The following EIF3H variants were observed in gnomAD, a reference collection of about 807,000 sequenced individuals.
EIF3H encodes the protein eIF-3-gamma.
Under a neutral mutation model 44.2 loss-of-function variants are expected in EIF3H, and 26 were observed. The observed-to-expected ratio is 0.59, with a 90% CI of 0.43 to 0.82. The LOEUF is 0.82. Ranked by LOEUF, EIF3H falls within the 40% of genes least tolerant of loss-of-function variation. EIF3H has a pLI of 0.00. For missense variants in EIF3H, 359 were observed against 432.8 expected, an observed-to-expected ratio of 0.83 and a Z score of 1.51; for synonymous variants, 166 against 151.9, an observed-to-expected ratio of 1.09 and a Z score of -0.68.
At chr8:116,657,185 A>G in intron 4 of EIF3H, 30 bp downstream of exon 4, 1 of 1,556,610 alleles carries the variant, frequency 6.4e-7, no homozygotes, top group African/African-American at 1.4e-5. Flanking sequence ...AAAATACCCA[A>G]CCCTTTACCA....
At chr8:116,675,092 T>C (rs535888557) in intron 2 of EIF3H, among the ~76,000 whole-genome samples, 3 of 141,586 alleles carry the variant, frequency 2.1e-5, no homozygotes, top group South Asian at 4.3e-4. Flanking sequence ...TCAAAAACTT[T>C]ATTGATTTAT....
chr8:116,705,145 G>C (rs1369067134), intron 2 of EIF3H, among the ~76,000 whole-genome samples: 1 of 152,134 alleles, frequency 6.6e-6, no homozygotes, highest in Non-Finnish European at 1.5e-5. Flanking sequence ...GCACCCATAT[G>C]AATTTAGATA....
rs749445960 is a variant in EIF3H at position 116,755,668 on chromosome 8, G to A, written c.130C>T (p.Leu44Phe). The A allele has an allele frequency of 1.9e-5, 31 of 1,613,982 alleles. No homozygotes were observed. Among genetic ancestry groups the A allele is most frequent in the Non-Finnish European group, 2.5e-5 (29 of 1,180,012 alleles). ...SAVKQVQIDG[L>F]VVLKIIKHYQ... ...AGAGGAAAAAGAACAGCACTCACAA[G>A]GCCATCTATCTGCACTTGCTTCACG... Residue 44 changes from leucine to phenylalanine, a missense_variant and splice_region_variant, in exon 1 of 8, where the codon CTT (leucine) becomes TTT (phenylalanine). Coordinates refer to ENST00000521861, the MANE Select transcript of EIF3H (RefSeq NM_003756.3).
intron 2 of EIF3H, among the ~76,000 whole-genome samples, chr8:116,702,419 A>G (rs559670516): frequency 1.3e-5 from 2 of 152,306 alleles, no homozygotes; most frequent in Admixed American, 1.3e-4. Context: ...CATTTCCTAT[A>G]CCAGTCATTT....
intron 2 of EIF3H, among the ~76,000 whole-genome samples, chr8:116,709,374 C>T (rs959086940): frequency 1.3e-5 from 2 of 152,224 alleles, no homozygotes; most frequent in East Asian, 3.9e-4. Context: ...ACCATCGTGG[C>T]TTTGTATTAT....
At position 116,674,324 on chromosome 8, in the gene EIF3H, G is replaced by C. The variant is rs576667173; in HGVS notation, c.290-15344C>G. Among the ~76,000 whole-genome samples the C allele has an allele frequency of 1.3e-4, 19 of 144,570 alleles. No individual in the cohort carries two copies. The Middle Eastern group carries it at 0.014, about 109-fold the overall frequency. The allele number at this position is 144,570 out of a possible 152,430, so 94.8% of individuals were successfully genotyped here. On this transcript the variant is annotated intron_variant, in intron 2 of 7. Transcript: ENST00000521861. Reference sequence around the variant, plus strand: ...AAAAGAGGCCTGGGGGTGGAGGTGGGGGGGGGTGGGGGGGAAGGGATTCTA... The same window carrying C: ...AAAAGAGGCCTGGGGGTGGAGGTGGCGGGGGGTGGGGGGGAAGGGATTCTA...
intron 2 of EIF3H, among the ~76,000 whole-genome samples, chr8:116,673,649 G>A (rs967399802): frequency 6.6e-6 from 1 of 152,256 alleles, no homozygotes; most frequent in East Asian, 1.9e-4. Context: ...TCATAAATAA[G>A]GGGTAAAAAT....
At chr8:116,752,325 A>G (rs1228192993) in intron 1 of EIF3H, among the ~76,000 whole-genome samples, 2 of 152,134 alleles carry the variant, frequency 1.3e-5, no homozygotes, top group African/African-American at 2.4e-5. Flanking sequence ...TACAATTCCA[A>G]TCTACATTAG....
chr8:116,644,999 C>G lies in EIF3H; in HGVS notation c.*7G>C, dbSNP rs1487495292. 6.2e-7 allele frequency: 1 copy of G among 1,611,934 alleles called. No individual in the cohort carries two copies. Among genetic ancestry groups the G allele is most frequent in the East Asian group, 2.2e-5 (1 of 44,852 alleles). On this transcript the variant is annotated 3_prime_UTR_variant, in exon 8 of 8. Coordinates refer to ENST00000521861, the MANE Select transcript of EIF3H (RefSeq NM_003756.3). Reference sequence around the variant, plus strand: ...ATGTTAACTTCTTTTCTGGAAACTTCCTTTTCTTAGTTGTTGTATTCTTGA... The same window carrying G: ...ATGTTAACTTCTTTTCTGGAAACTTGCTTTTCTTAGTTGTTGTATTCTTGA...
chr8:116,743,769 CATATATATAT>C (rs150883678), intron 1 of EIF3H, among the ~76,000 whole-genome samples: 2 of 96,998 alleles, frequency 2.1e-5, no homozygotes, highest in Non-Finnish European at 4.1e-5. Flanking sequence ...AAAATACATA[CATATATATAT>C]ATATATATAT....
chr8:116,748,821 C>T (rs1220397091), intron 1 of EIF3H, among the ~76,000 whole-genome samples: 2 of 152,196 alleles, frequency 1.3e-5, no homozygotes, highest in Non-Finnish European at 2.9e-5. Context: ...AACCTAGGCA[C>T]ATCTTCCTAT....
At chr8:116,689,176 CA>C (rs1814130949) in intron 2 of EIF3H, 3 of 419,862 alleles carry the variant, frequency 7.1e-6, no homozygotes, top group South Asian at 1.7e-5. Context: ...AAGTCAGAGA[CA>C]AAAGGACAAA....
rs547700700 is a variant in EIF3H at position 116,762,523 on chromosome 8, C to T, written c.-27+2992G>A. ...AAGGAGATATAAAACACAAAAGTGCCCACTGCCAAGCTAAGTTGACTTCCT... is the reference window on the plus strand; with the variant it reads ...AAGGAGATATAAAACACAAAAGTGCTCACTGCCAAGCTAAGTTGACTTCCT... On this transcript the variant is annotated intron_variant, in intron 1 of 9. Transcript: ENST00000276682. Among the ~76,000 whole-genome samples, 25 of 152,306 alleles carry T rather than the reference C, an allele frequency of 1.6e-4. 1 individual carries two copies. The South Asian group carries it at 2.9e-3, about 18-fold the overall frequency.
At chr8:116,764,188 A>C (rs961994651) in intron 1 of EIF3H, among the ~76,000 whole-genome samples, 1 of 152,242 alleles carries the variant, frequency 6.6e-6, no homozygotes, top group Non-Finnish European at 1.5e-5. Context: ...AAAAGCTAAA[A>C]ACTAGCAATG....
chr8:116,728,840 T>C (rs916505334), intron 1 of EIF3H, among the ~76,000 whole-genome samples: 8 of 152,136 alleles, frequency 5.3e-5, no homozygotes, highest in Admixed American at 2.6e-4. Context: ...ATTTGCAAAA[T>C]AGCACTATTT....
chr8:116,704,801 T>A (rs1814439144), intron 2 of EIF3H, among the ~76,000 whole-genome samples: 1 of 149,638 alleles, frequency 6.7e-6, no homozygotes, highest in Admixed American at 6.7e-5. Flanking sequence ...CACAAACTAC[T>A]TACGGCTATT....
chr8:116,726,732 T>C (rs1186008255), intron 1 of EIF3H, among the ~76,000 whole-genome samples: 3 of 152,194 alleles, frequency 2.0e-5, no homozygotes, highest in African/African-American at 4.8e-5. Flanking sequence ...CAGCATGATC[T>C]AGTTTTCCTC....
chr8:116,654,393 CT>C (rs1450617277), intron 5 of EIF3H, among the ~76,000 whole-genome samples: 1 of 152,186 alleles, frequency 6.6e-6, no homozygotes, highest in Non-Finnish European at 1.5e-5. Context: ...GGATGTATTT[CT>C]TTTGTATGCT....
At chr8:116,743,688 G>A (rs1815168222) in intron 1 of EIF3H, among the ~76,000 whole-genome samples, 1 of 148,920 alleles carries the variant, frequency 6.7e-6, no homozygotes, top group African/African-American at 2.5e-5. Context: ...AGCCCCAGAG[G>A]TGGAGGCTGC....
Sources: allele counts gnomAD v4.1 joint callset (sites outside exome capture counted in the v4.1 genomes callset), GRCh38; gene constraint gnomAD v4.1.1; transcripts MANE v1.5; gene names NCBI Gene and HGNC (gene_info 2026-07-23, HGNC 2026-07-21).